B3GALT1: variants seen among roughly 807,000 people sequenced by gnomAD.
The protein encoded by B3GALT1 is UDP-Gal:betaGlcNAc beta 1,3-galactosyltransferase, polypeptide 1.
A neutral mutation model predicts 23.2 loss-of-function variants in B3GALT1; 10 were observed. The ratio of observed to expected loss-of-function variants is 0.43; its 90% CI spans 0.27 to 0.73. The LOEUF is 0.73. B3GALT1 is among the 30% of genes least tolerant of loss of function. The pLI is 0.21. For missense variants in B3GALT1, 299 were observed against 405.4 expected, an observed-to-expected ratio of 0.74 and a Z score of 2.25; for synonymous variants, 156 against 141.5, an observed-to-expected ratio of 1.10 and a Z score of -0.73.
intron 2 of B3GALT1, among the ~76,000 whole-genome samples, chr2:167,514,492 A>G (rs905963761): frequency 6.6e-6 from 1 of 152,156 alleles, no homozygotes; most frequent in Non-Finnish European, 1.5e-5. Context: ...AATGTCCCCC[A>G]TTGAAAGAAT....
intron 2 of B3GALT1, among the ~76,000 whole-genome samples, chr2:167,498,497 C>G (rs1699806855): frequency 6.6e-6 from 1 of 152,150 alleles, no homozygotes; most frequent in Non-Finnish European, 1.5e-5. Flanking sequence ...CCTGCTTTCT[C>G]TGCCATGACC....
chr2:167,492,792 T>C (rs1397457556), intron 2 of B3GALT1, among the ~76,000 whole-genome samples: 1 of 152,142 alleles, frequency 6.6e-6, no homozygotes, highest in Non-Finnish European at 1.5e-5. Flanking sequence ...GTATGCACTT[T>C]GTAATAACAG....
At chr2:167,444,575 T>A (rs1339125368) in intron 1 of B3GALT1, among the ~76,000 whole-genome samples, 1 of 152,234 alleles carries the variant, frequency 6.6e-6, no homozygotes, top group African/African-American at 2.4e-5. Context: ...GAGATTCAAC[T>A]TCTTCCTTTT....
chr2:167,585,367 C>T (rs951703320), intron 2 of B3GALT1, among the ~76,000 whole-genome samples: 3 of 152,102 alleles, frequency 2.0e-5, no homozygotes, highest in African/African-American at 7.2e-5. Flanking sequence ...TAGAAAAGCC[C>T]CTTAATAATT....
intron 1 of B3GALT1, among the ~76,000 whole-genome samples, chr2:167,324,674 T>C (rs1207250319): frequency 6.6e-6 from 1 of 152,120 alleles, no homozygotes; most frequent in Non-Finnish European, 1.5e-5. Flanking sequence ...CCAGAGTACT[T>C]AGGGTCTCTG....
At chr2:167,617,002 T>C (rs1685172608) in intron 2 of B3GALT1, among the ~76,000 whole-genome samples, 1 of 152,114 alleles carries the variant, frequency 6.6e-6, no homozygotes, top group South Asian at 2.1e-4. Flanking sequence ...TGGTCTATTA[T>C]AAAATAAAAG....
At chr2:167,403,189 C>T (rs921253177) in intron 1 of B3GALT1, among the ~76,000 whole-genome samples, 1 of 119,672 alleles carries the variant, frequency 8.4e-6, no homozygotes, top group East Asian at 3.1e-4. Flanking sequence ...CACCCCACTA[C>T]AGGCCCCGGT....
chr2:167,714,240 G>A, intron 3 of B3GALT1: 1 of 1,502,222 alleles, frequency 6.7e-7, no homozygotes. Flanking sequence ...GATTGTCCTG[G>A]TGGAGGAAAC....
chr2:167,440,933 T>C (rs1024879402), intron 1 of B3GALT1, among the ~76,000 whole-genome samples: 4 of 152,230 alleles, frequency 2.6e-5, no homozygotes, highest in Admixed American at 6.5e-5. Flanking sequence ...TTTTGAACCT[T>C]TAAAATAATG....
intron 3 of B3GALT1, among the ~76,000 whole-genome samples, chr2:167,656,401 G>A (rs999935211): frequency 1.3e-5 from 2 of 152,046 alleles, no homozygotes; most frequent in African/African-American, 4.8e-5. Context: ...TGCTCATTGT[G>A]GAAAAGAGAA....
At chr2:167,583,067 G>A (rs1197566077) in intron 2 of B3GALT1, among the ~76,000 whole-genome samples, 1 of 152,094 alleles carries the variant, frequency 6.6e-6, no homozygotes, top group Non-Finnish European at 1.5e-5. Context: ...TTTTCTCAAG[G>A]CCCATGAGGG....
At chr2:167,462,653 A>G (rs1699277316) in intron 1 of B3GALT1, among the ~76,000 whole-genome samples, 3 of 152,120 alleles carry the variant, frequency 2.0e-5, no homozygotes, top group Non-Finnish European at 2.9e-5. Context: ...GGTTGGTGTA[A>G]TTTTGCATCA....
chr2:167,444,157 G>A (rs887210524), intron 1 of B3GALT1, among the ~76,000 whole-genome samples: 2 of 152,180 alleles, frequency 1.3e-5, no homozygotes, highest in Non-Finnish European at 2.9e-5. Flanking sequence ...CTGTTTATAT[G>A]ATGAATTACG....
chr2:167,431,806 A>G (rs541328175), intron 1 of B3GALT1, among the ~76,000 whole-genome samples: 88 of 152,288 alleles, frequency 5.8e-4, no homozygotes, highest in African/African-American at 2.0e-3. Flanking sequence ...AAAAGAAGAT[A>G]GCTTGGAATT....
At chr2:167,503,558 A>G (rs1158935681) in intron 2 of B3GALT1, among the ~76,000 whole-genome samples, 1 of 152,198 alleles carries the variant, frequency 6.6e-6, no homozygotes, top group African/African-American at 2.4e-5. Flanking sequence ...TTCCAGCATC[A>G]TTATCCACTA....
At chr2:167,441,998 T>C (rs1448274176) in intron 1 of B3GALT1, among the ~76,000 whole-genome samples, 3 of 152,002 alleles carry the variant, frequency 2.0e-5, no homozygotes, top group Admixed American at 2.0e-4. Flanking sequence ...CATCTAGCAT[T>C]AGGTATATCT....
chr2:167,435,954 A>AAC (rs66661618), intron 1 of B3GALT1, among the ~76,000 whole-genome samples: 1,564 of 139,276 alleles, frequency 0.011, 12 homozygotes, highest in Middle Eastern at 0.019. Context: ...CACACACACA[A>AAC]ACACACACAC....
chr2:167,706,811 A>G (rs1181263246), intron 3 of B3GALT1, among the ~76,000 whole-genome samples: 1 of 152,380 alleles, frequency 6.6e-6, no homozygotes. Context: ...ACTGTCTGCC[A>G]TCTCACATGC....
rs974659095 is a variant in B3GALT1, at chr2:167,869,631, C to G, written c.592C>G (p.Pro198Ala). The G allele has an allele frequency of 3.7e-6, 6 of 1,614,152 alleles. No individual in the cohort carries two copies. Among genetic ancestry groups the G allele is most frequent in the Non-Finnish European group, 5.1e-6 (6 of 1,180,026 alleles). ...TAAATTACTGAAACCCTCCACCAAGCCACGAAGAAGGTATTTTACTGGCTA... is the reference window on the plus strand; with the variant it reads ...TAAATTACTGAAACCCTCCACCAAGGCACGAAGAAGGTATTTTACTGGCTA... Reference protein sequence around the residue: ...IYKLLKPSTKPRRRYFTGYVI... With the variant: ...IYKLLKPSTKARRRYFTGYVI... The change falls in exon 5 of 5, where the codon CCA becomes GCA. Residue 198 changes from proline to alanine, a missense_variant. Transcript: ENST00000392690. The surrounding 1 kb of genome is among the most constrained non-coding windows in gnomAD (Gnocchi z 6.4).
Sources: gnomAD v4.1 joint callset for allele counts (sites outside exome capture counted in the v4.1 genomes callset) on GRCh38, gnomAD v4.1.1 for gene constraint, Gnocchi (gnomAD v3.1) non-coding constraint, MANE v1.5 for transcripts, NCBI Gene and HGNC (gene_info 2026-07-23, HGNC 2026-07-21) for gene names.